LRRC8C: variants seen among roughly 807,000 people sequenced by gnomAD.
LRRC8C encodes the protein leucine rich repeat containing 8 VRAC subunit C, also known as volume-regulated anion channel subunit LRRC8C.
Under a neutral mutation model 55.3 loss-of-function variants are expected in LRRC8C, and 20 were observed. The observed-to-expected ratio is 0.36, with a 90% confidence interval of 0.25 to 0.53. The LOEUF is 0.53. Ranked by LOEUF, LRRC8C falls within the 20% of genes least tolerant of loss-of-function variation. The pLI is 0.92. For missense variants in LRRC8C, 659 were observed against 951.4 expected (o/e 0.69, Z 4.04); for synonymous variants, 376 against 360.7 (o/e 1.04, Z -0.48).
At chr1:89,671,741 G>A (rs977572859) in intron 1 of LRRC8C, among the ~76,000 whole-genome samples, 21 of 152,226 alleles carry the variant, frequency 1.4e-4, no homozygotes, top group African/African-American at 2.4e-5. Context: ...GAGGCATTGT[G>A]TGGAGGATGA....
chr1:89,660,677 A>G (rs1189449093), intron 1 of LRRC8C, among the ~76,000 whole-genome samples: 1 of 152,184 alleles, frequency 6.6e-6, no homozygotes, highest in East Asian at 1.9e-4. Context: ...TCAGTAAGTA[A>G]TGTTGGCTCC....
At chr1:89,670,217 T>C (rs1657377303) in intron 1 of LRRC8C, among the ~76,000 whole-genome samples, 3 of 152,232 alleles carry the variant, frequency 2.0e-5, no homozygotes, top group Non-Finnish European at 4.4e-5. Flanking sequence ...TTAATCCGTT[T>C]ACATGCTTTT....
Position 89,715,090 on chromosome 1 carries a change from G to A in LRRC8C, c.*108G>A, listed in dbSNP as rs1466403710. The stretch of plus-strand genomic sequence containing the variant: ...TTTTTTTTTCCTTTTCACACAAAAT[G>A]TACACAAAGATCGCGTAAGGAGTAT... On this transcript the variant is annotated 3_prime_UTR_variant, in exon 3 of 3. Transcript: ENST00000370454. The A allele has an allele frequency of 1.6e-6, 1 of 621,000 alleles. No homozygotes were observed. The highest frequency in any genetic ancestry group is 2.6e-6 in the Non-Finnish European group (1 of 383,874). The allele number at this position is 621,000 out of a possible 1,614,324, so 38.5% of individuals were successfully genotyped here.
At chr1:89,686,015 A>G (rs138429252) in intron 1 of LRRC8C, among the ~76,000 whole-genome samples, 15 of 152,238 alleles carry the variant, frequency 9.9e-5, no homozygotes, top group African/African-American at 2.4e-4. Context: ...AATTAGCACA[A>G]AAGAATGCTA....
intron 1 of LRRC8C, among the ~76,000 whole-genome samples, chr1:89,685,394 C>T (rs571466522): frequency 3.3e-5 from 5 of 151,972 alleles, no homozygotes; most frequent in South Asian, 2.1e-4. Flanking sequence ...GGATTACAGG[C>T]GTGAGCCACC....
intron 2 of LRRC8C, among the ~76,000 whole-genome samples, chr1:89,692,765 A>G (rs1658059378): frequency 6.6e-6 from 1 of 152,216 alleles, no homozygotes; most frequent in South Asian, 2.1e-4. Context: ...CTCAAGGACC[A>G]ATAGTGTAAA....
intron 2 of LRRC8C, among the ~76,000 whole-genome samples, chr1:89,711,983 CCTT>C (rs940902951): frequency 6.6e-6 from 1 of 152,180 alleles, no homozygotes; most frequent in Non-Finnish European, 1.5e-5. Context: ...CATAGTTCCT[CCTT>C]CTTATCTTTC....
chr1:89,640,593 C>T (rs1053949580), intron 1 of LRRC8C, among the ~76,000 whole-genome samples: 1 of 152,116 alleles, frequency 6.6e-6, no homozygotes, highest in East Asian at 1.9e-4. Flanking sequence ...TTGATATTAG[C>T]AAGGTTCAGT....
chr1:89,621,328 G>C, the LRRC8C span, among the ~76,000 whole-genome samples: 1 of 150,638 alleles, frequency 6.6e-6, no homozygotes. Context: ...AATTAGCCAG[G>C]CGTGGTGGCA....
intron 1 of LRRC8C, among the ~76,000 whole-genome samples, chr1:89,681,859 T>G (rs552070889): frequency 5.3e-5 from 8 of 152,262 alleles, no homozygotes; most frequent in African/African-American, 1.9e-4. Context: ...TATGTAGACA[T>G]GTAGACATAC....
the LRRC8C span, among the ~76,000 whole-genome samples, chr1:89,621,316 AAAAT>A: frequency 6.6e-5 from 7 of 105,792 alleles, no homozygotes; most frequent in Non-Finnish European, 9.4e-5. Flanking sequence ...AAAAAAAAAA[AAAAT>A]TAGCCAGGCG....
chr1:89,650,039 C>G (rs919741215), intron 1 of LRRC8C, among the ~76,000 whole-genome samples: 39 of 151,998 alleles, frequency 2.6e-4, no homozygotes, highest in Admixed American at 2.4e-3. Context: ...ACTCACTGAC[C>G]AAAAATATAG....
chr1:89,619,911 G>T, the LRRC8C span, among the ~76,000 whole-genome samples: 2 of 152,284 alleles, frequency 1.3e-5, no homozygotes, highest in South Asian at 2.1e-4. Flanking sequence ...GCTCAGAGAA[G>T]TTAAGCAGCT....
chr1:89,673,319 A>G (rs1657471480), intron 1 of LRRC8C, among the ~76,000 whole-genome samples: 1 of 152,154 alleles, frequency 6.6e-6, no homozygotes, highest in African/African-American at 2.4e-5. Context: ...AATCAGCTTT[A>G]GATGTCACCT....
At chr1:89,669,220 CTAAAG>C (rs1324232218) in intron 1 of LRRC8C, among the ~76,000 whole-genome samples, 3 of 151,578 alleles carry the variant, frequency 2.0e-5, no homozygotes, top group Non-Finnish European at 4.4e-5. Flanking sequence ...TGTGAAGTAT[CTAAAG>C]TAGTCAAATT....
At chr1:89,637,989 G>A (rs1036425034) in intron 1 of LRRC8C, among the ~76,000 whole-genome samples, 2 of 152,082 alleles carry the variant, frequency 1.3e-5, no homozygotes, top group African/African-American at 4.8e-5. Context: ...AAGGTGATAC[G>A]GGTTCAGAAA....
chr1:89,691,601 A>G (rs760473914), intron 2 of LRRC8C, among the ~76,000 whole-genome samples: 1 of 152,230 alleles, frequency 6.6e-6, no homozygotes, highest in Non-Finnish European at 1.5e-5. Context: ...TAGTTCCCAG[A>G]ACAAACCTGT....
At chr1:89,672,835 ATC>A (rs1657459086) in intron 1 of LRRC8C, among the ~76,000 whole-genome samples, 1 of 152,018 alleles carries the variant, frequency 6.6e-6, no homozygotes, top group South Asian at 2.1e-4. Flanking sequence ...TTTAATTTAT[ATC>A]TGTGTTACCT....
At chr1:89,632,995 G>T (rs1656155516), upstream of LRRC8C, 1 of 152,206 alleles carries the variant, frequency 6.6e-6, no homozygotes, top group South Asian at 1.9e-4. Flanking sequence ...GGGCGGTGGC[G>T]ACCCCGGGGC....
Sources: gnomAD v4.1 joint callset for allele counts (sites outside exome capture counted in the v4.1 genomes callset) on GRCh38, gnomAD v4.1.1 for gene constraint, MANE v1.5 for transcripts, NCBI Gene and HGNC (gene_info 2026-07-23, HGNC 2026-07-21) for gene names.